Variants in ANKS1B observed in about 807,000 individuals in gnomAD.
ANKS1B encodes ankyrin repeat and sterile alpha motif domain containing 1B.
In ANKS1B, 36 loss-of-function variants were observed where a neutral mutation model predicts 148.3. The ratio of observed to expected loss-of-function variants is 0.24; its 90% CI spans 0.19 to 0.32. The LOEUF (loss-of-function observed/expected upper bound fraction) is 0.32. ANKS1B is among the 10% of genes least tolerant of loss of function. ANKS1B has a pLI of 1.00. For synonymous variants in ANKS1B, 542 were observed against 560.8 expected, an observed-to-expected ratio of 0.97 and a Z score of 0.47; for missense variants, 1,157 against 1,542.6, an observed-to-expected ratio of 0.75 and a Z score of 4.19.
intron 8 of ANKS1B, among the ~76,000 whole-genome samples, chr12:99,670,774 T>C (rs535195081): frequency 1.1e-4 from 16 of 152,128 alleles, no homozygotes; most frequent in Admixed American, 8.5e-4. Context: ...CCTCATGAGA[T>C]AAGAATTCTG....
intron 8 of ANKS1B, among the ~76,000 whole-genome samples, chr12:99,665,269 A>AAC (rs1245925889): frequency 1.4e-4 from 21 of 152,212 alleles, no homozygotes; most frequent in Non-Finnish European, 2.4e-4. Context: ...CATTCTTGGC[A>AAC]ACACTTAATT....
chr12:99,830,527 A>T (rs778673982), intron 1 of ANKS1B, among the ~76,000 whole-genome samples: 1 of 152,072 alleles, frequency 6.6e-6, no homozygotes, highest in Non-Finnish European at 1.5e-5. Context: ...ATCATAAAAC[A>T]ATACCAAAAA....
At chr12:99,103,838 T>C (rs780187205) in intron 15 of ANKS1B, among the ~76,000 whole-genome samples, 5 of 152,224 alleles carry the variant, frequency 3.3e-5, no homozygotes, top group Non-Finnish European at 5.9e-5. Context: ...GCTAGCTAGA[T>C]AGAGATGAAT....
chr12:99,645,048 T>C (rs1218730761), intron 9 of ANKS1B, among the ~76,000 whole-genome samples: 2 of 152,208 alleles, frequency 1.3e-5, no homozygotes, highest in Admixed American at 1.3e-4. Flanking sequence ...ATCTGCAAAG[T>C]TCCTCTGCCA....
chr12:99,459,348 C>A (rs2095905142), intron 10 of ANKS1B, among the ~76,000 whole-genome samples: 1 of 151,972 alleles, frequency 6.6e-6, no homozygotes, highest in Non-Finnish European at 1.5e-5. Flanking sequence ...AGAACTGGAA[C>A]AAGACAAGGA....
At chr12:99,511,633 G>A (rs2153031340) in intron 9 of ANKS1B, among the ~76,000 whole-genome samples, 1 of 152,084 alleles carries the variant, frequency 6.6e-6, no homozygotes, top group Middle Eastern at 3.4e-3. Context: ...GAAAAAAGTT[G>A]GAGGCATCAC....
chr12:98,940,060 TAAAGC>T (rs1250102821), intron 17 of ANKS1B, among the ~76,000 whole-genome samples: 2 of 152,174 alleles, frequency 1.3e-5, no homozygotes, highest in African/African-American at 4.8e-5. Context: ...CAGCCAGTGA[TAAAGC>T]AAACACTGCA....
rs377616636 is a variant in ANKS1B, at chr12:99,764,833, G to A, written c.1128+8089C>T. ...AGGGTCTTGAATGCCTGAGTTAAAC[G>A]TTTCTATTTAACATTTGCAGTGAGG... On this transcript the variant is annotated intron_variant, in intron 8 of 26. Coordinates refer to ENST00000683438, the MANE Select transcript of ANKS1B (RefSeq NM_001352186.2). Among the ~76,000 whole-genome samples the A allele has an allele frequency of 1.7e-4, 26 of 152,282 alleles. No individual in the cohort carries two copies. In the South Asian group the frequency reaches 2.7e-3, roughly 16 times the overall value.
intron 1 of ANKS1B, among the ~76,000 whole-genome samples, chr12:99,851,777 G>C (rs2087895486): frequency 6.6e-6 from 1 of 152,108 alleles, no homozygotes; most frequent in Non-Finnish European, 1.5e-5. Flanking sequence ...GGAACAAAAA[G>C]CCTTTTGCAA....
At position 98,829,546 on chromosome 12, in the gene ANKS1B, A is replaced by G. The variant is rs2099277462; in HGVS notation, c.2887-193T>C. ...AATACGTTTTTCCCCTAAGTATTTC[A>G]GGTCAAAGGTCTGAAATATCAAGAG... On this transcript the variant is annotated intron_variant, in intron 18 of 26. Transcript: ENST00000683438. The surrounding 1 kb of genome is among the most constrained non-coding windows in gnomAD (Gnocchi z 5.2). 6.6e-6 allele frequency among the ~76,000 whole-genome samples: 1 copy of G among 152,162 alleles called. No homozygotes were observed. Among genetic ancestry groups the G allele is most frequent in the South Asian group, 2.1e-4 (1 of 4,830 alleles).
At chr12:99,785,613 A>G (rs1225470345) in intron 4 of ANKS1B, among the ~76,000 whole-genome samples, 1 of 152,060 alleles carries the variant, frequency 6.6e-6, no homozygotes, top group African/African-American at 2.4e-5. Context: ...TTGTATGTTT[A>G]GTAGAGAGGG....
chr12:99,678,612 G>A (rs1330277367), intron 8 of ANKS1B, among the ~76,000 whole-genome samples: 1 of 152,016 alleles, frequency 6.6e-6, no homozygotes, highest in Non-Finnish European at 1.5e-5. Flanking sequence ...CCATCCCTGG[G>A]CTAAGTACAA....
At chr12:99,482,162 G>A (rs761508817) in intron 10 of ANKS1B, among the ~76,000 whole-genome samples, 2 of 151,884 alleles carry the variant, frequency 1.3e-5, no homozygotes, top group African/African-American at 4.8e-5. Flanking sequence ...ACAGTTTCAT[G>A]TCATATATTT....
At chr12:99,765,135 T>A (rs561466797) in intron 8 of ANKS1B, among the ~76,000 whole-genome samples, 1 of 152,148 alleles carries the variant, frequency 6.6e-6, no homozygotes, top group Non-Finnish European at 1.5e-5. Flanking sequence ...TACATTCAGA[T>A]CCAAGATTTA....
chr12:99,091,353 G>A (rs2053922126), intron 15 of ANKS1B, among the ~76,000 whole-genome samples: 1 of 152,096 alleles, frequency 6.6e-6, no homozygotes, highest in African/African-American at 2.4e-5. Context: ...AAGTAACCAG[G>A]TATTTATTTG....
intron 12 of ANKS1B, among the ~76,000 whole-genome samples, chr12:99,290,266 C>A: frequency 7.0e-6 from 1 of 142,478 alleles, no homozygotes; most frequent in Non-Finnish European, 1.5e-5. Context: ...AGATCAAAGC[C>A]ATACTAAAAA....
intron 9 of ANKS1B, among the ~76,000 whole-genome samples, chr12:99,518,772 A>G (rs878884800): frequency 6.6e-6 from 1 of 152,016 alleles, no homozygotes; most frequent in Non-Finnish European, 1.5e-5. Flanking sequence ...CTAATTTTAA[A>G]TTTGGTTTGC....
chr12:99,048,151 A>G (rs531643669), intron 17 of ANKS1B, among the ~76,000 whole-genome samples: 11 of 152,306 alleles, frequency 7.2e-5, no homozygotes, highest in Admixed American at 7.2e-4. Flanking sequence ...TGGAATAGGG[A>G]AGAGATGGAG....
intron 8 of ANKS1B, among the ~76,000 whole-genome samples, chr12:99,673,671 T>C (rs2098548830): frequency 1.3e-5 from 2 of 151,944 alleles, no homozygotes; most frequent in Admixed American, 1.3e-4. Flanking sequence ...ATAATACATT[T>C]ATCCTATTTG....
Sources: gnomAD v4.1 joint callset for allele counts (sites outside exome capture counted in the v4.1 genomes callset) on GRCh38, gnomAD v4.1.1 for gene constraint, Gnocchi (gnomAD v3.1) non-coding constraint, MANE v1.5 for transcripts, NCBI Gene and HGNC (gene_info 2026-07-23, HGNC 2026-07-21) for gene names.